Variants in RHBDF2 observed in about 807,000 individuals in gnomAD.
RHBDF2 encodes the protein rhomboid 5 homolog 2, also known as inactive rhomboid protein 2.
In RHBDF2, 38 loss-of-function variants were observed where a neutral mutation model predicts 95.2. The ratio of observed to expected loss-of-function variants is 0.40; its 90% confidence interval spans 0.31 to 0.52. The LOEUF is 0.52. Among genes scored for constraint, RHBDF2 ranks in the 20% least tolerant of loss-of-function variants. The pLI is 0.56. For synonymous variants in RHBDF2, 442 were observed against 462.0 expected (o/e 0.96, Z 0.55); for missense variants, 863 against 1,137.7 (o/e 0.76, Z 3.47).
At chr17:76,472,110 C>G in intron 18 of RHBDF2, 58 bp from the exon 19 acceptor site, 1 of 1,466,052 alleles carries the variant, frequency 6.8e-7, no homozygotes. Context: ...CTGGGCCGGG[C>G]CTGCACCCTG....
intron 3 of RHBDF2, among the ~76,000 whole-genome samples, chr17:76,480,550 C>T (rs1243610790): frequency 6.6e-6 from 1 of 151,856 alleles, no homozygotes; most frequent in Admixed American, 6.6e-5. Flanking sequence ...ACACCCAGCT[C>T]TTTTTTAATT....
intron 9 of RHBDF2, 152 bp downstream of exon 9, chr17:76,476,678 A>T: frequency 8.4e-7 from 1 of 1,183,836 alleles, no homozygotes; most frequent in Non-Finnish European, 1.1e-6. Flanking sequence ...AACCCTTGGG[A>T]CAGGGTGCGC....
intron 15 of RHBDF2, 33 bp from the exon 16 acceptor site, chr17:76,473,360 G>C (rs755873052): frequency 6.3e-7 from 1 of 1,579,502 alleles, no homozygotes; most frequent in Non-Finnish European, 8.6e-7. Flanking sequence ...GGGGACATCA[G>C]GGCGCCGAAT....
Position 76,477,299 on chromosome 17 carries a change from C to T in RHBDF2, c.802-1G>A. The stretch of plus-strand genomic sequence containing the variant: ...CATCAGGCATGGAGCTCATTTCTTC[C>T]TGGGGTGGGGGACAAGAAAATACAG... On this transcript the variant is annotated splice_acceptor_variant, in intron 7 of 18. Coordinates refer to ENST00000675367, the MANE Select transcript of RHBDF2 (RefSeq NM_001005498.4). LOFTEE classifies it high-confidence loss of function. 1 of 1,611,048 alleles carries T rather than the reference C, an allele frequency of 6.2e-7. No individual in the cohort carries two copies. The highest frequency in any genetic ancestry group is 8.5e-7 in the Non-Finnish European group (1 of 1,179,104).
In RHBDF2 at chr17:76,479,173, T is replaced by C; in HGVS notation, c.377A>G (p.Lys126Arg). 6.2e-7 allele frequency: 1 copy of C among 1,612,594 alleles called. No homozygotes were observed. Among genetic ancestry groups the C allele is most frequent in the Non-Finnish European group, 8.5e-7 (1 of 1,179,578 alleles). ...CTCCAGGTCACGCTGGCACGAGGCC[T>C]TCAGGCGGCCGTAGCGCATGCTGCA... ...HHCSMRYGRL[K>R]ASCQRDLELP... The change falls in exon 5 of 19, where the codon AAG becomes AGG. Residue 126 changes from lysine (K) to arginine (R), a missense_variant. This residue lies in a region of RHBDF2 where 611 missense variants were observed against 725.5 expected (regional missense o/e 0.84). Coordinates refer to ENST00000675367, the MANE Select transcript of RHBDF2 (RefSeq NM_001005498.4).
Position 76,474,463 on chromosome 17 carries a change from C to T in RHBDF2, c.1374G>A (p.Val458=), listed in dbSNP as rs745473658. Reference sequence around the variant, plus strand: ...CCCGCTCCAGGTCTCGCTCGCGCAGCACCAGCTGCTCGATCTGCCCGTCCT... The same window carrying T: ...CCCGCTCCAGGTCTCGCTCGCGCAGTACCAGCTGCTCGATCTGCCCGTCCT... ...IRKDGQIEQL[V]LRERDLERDS... Residue 458 remains valine, a synonymous_variant, in exon 12 of 19, where the codon GTG becomes GTA. Transcript: ENST00000675367. 7.4e-6 allele frequency: 12 copies of T among 1,614,046 alleles called. No homozygotes were observed. Among genetic ancestry groups the T allele is most frequent in the South Asian group, 2.2e-5 (2 of 91,090 alleles).
chr17:76,478,612 A>AC (rs2073846936), intron 6 of RHBDF2, among the ~76,000 whole-genome samples, 194 bp downstream of exon 6: 1 of 152,124 alleles, frequency 6.6e-6, no homozygotes, highest in Non-Finnish European at 1.5e-5. Context: ...GAGATTTAAG[A>AC]CAGAAGGATG....
intron 2 of RHBDF2, among the ~76,000 whole-genome samples, chr17:76,484,216 T>C (rs1301105777): frequency 2.0e-5 from 3 of 151,950 alleles, no homozygotes; most frequent in East Asian, 1.9e-4. Flanking sequence ...TGAGCCGAGA[T>C]TGCACCATTG....
chr17:76,476,731 A>G lies in RHBDF2; in HGVS notation c.1115+99T>C, dbSNP rs561109688. The stretch of plus-strand genomic sequence containing the variant: ...CACTCCTGATCCGCAGAAGATGCTC[A>G]TGAAACACTTGCTGAATGAGTAAGG... On this transcript the variant is annotated intron_variant, in intron 9 of 18. Transcript: ENST00000675367. 25 of 1,448,542 alleles carry G rather than the reference A, an allele frequency of 1.7e-5. No homozygotes were observed. The South Asian group carries it at 3.5e-4, about 20-fold the overall frequency. The allele number at this position is 1,448,542 out of a possible 1,614,324, so 89.7% of individuals were successfully genotyped here.
intron 9 of RHBDF2, among the ~76,000 whole-genome samples, chr17:76,475,639 G>A (rs2073749719): frequency 6.6e-6 from 1 of 151,390 alleles, no homozygotes; most frequent in African/African-American, 2.4e-5. Flanking sequence ...CTGGAATGCA[G>A]TTGTGCGATC....
chr17:76,474,502 T>G lies in RHBDF2; in HGVS notation c.1335A>C (p.Ser445=), dbSNP rs765168441. Residue 445 remains serine, a synonymous_variant, in exon 12 of 19, where the codon TCA becomes TCC. Coordinates refer to ENST00000675367, the MANE Select transcript of RHBDF2 (RefSeq NM_001005498.4). ...IDLIHLGAKF[S]PCIRKDGQIE... is the part of the protein sequence containing the mutation. ...TCTGCCCGTCCTTCCGGATGCAGGG[T>G]GAGAACTTGGCCCCCAGGTGGATCA... 2 of 1,613,898 alleles carry G rather than the reference T, an allele frequency of 1.2e-6. No homozygotes were observed. The highest frequency in any genetic ancestry group is 1.1e-5 in the South Asian group (1 of 91,066).
At chr17:76,481,707 C>A (rs984430426) in intron 2 of RHBDF2, 162 bp from the exon 3 acceptor site, 15 of 557,716 alleles carry the variant, frequency 2.7e-5, no homozygotes, top group African/African-American at 2.5e-4. Flanking sequence ...GTAATCCCAG[C>A]ACTTTGGGAG....
intron 15 of RHBDF2, 88 bp downstream of exon 15, chr17:76,473,560 T>G: frequency 8.7e-7 from 1 of 1,154,076 alleles, no homozygotes; most frequent in Non-Finnish European, 1.2e-6. Flanking sequence ...CGGCTGTGGG[T>G]GGTGACGGTG....
At chr17:76,476,711 C>G in intron 9 of RHBDF2, 119 bp downstream of exon 9, 1 of 1,416,366 alleles carries the variant, frequency 7.1e-7, no homozygotes, top group Non-Finnish European at 9.3e-7. Context: ...CACTACACTC[C>G]TGATCCGCAG....
At chr17:76,491,519 C>T (rs1207352911) in intron 1 of RHBDF2, among the ~76,000 whole-genome samples, 1 of 152,232 alleles carries the variant, frequency 6.6e-6, no homozygotes, top group African/African-American at 2.4e-5. Context: ...GGGCAGGAGC[C>T]TGGCATCGGG....
rs574024952 is a variant in RHBDF2, at chr17:76,489,018, C to T, written c.-219-1109G>A. Among the ~76,000 whole-genome samples the T allele has an allele frequency of 1.4e-4, 22 of 151,876 alleles. No individual in the cohort carries two copies. In the South Asian group the frequency reaches 2.9e-3, roughly 20 times the overall value. ...TGGTGGGCCTGTAATCCCAGCTACT[C>T]GGGAGGCTGAGGCAGGAGAGTTACT... On this transcript the variant is annotated intron_variant, in intron 1 of 18. Coordinates refer to ENST00000675367, the MANE Select transcript of RHBDF2 (RefSeq NM_001005498.4).
chr17:76,491,006 G>A (rs1399625109), intron 1 of RHBDF2, among the ~76,000 whole-genome samples: 1 of 152,172 alleles, frequency 6.6e-6, no homozygotes, highest in Non-Finnish European at 1.5e-5. Context: ...GTGAGAGGGT[G>A]GGGCTGGCGG....
intron 1 of RHBDF2, among the ~76,000 whole-genome samples, chr17:76,492,884 GAAGT>G (rs914968696): frequency 1.3e-5 from 2 of 152,276 alleles, no homozygotes; most frequent in East Asian, 1.9e-4. Context: ...CCTTGGATAA[GAAGT>G]AAGCAGCCCC....
Position 76,472,664 on chromosome 17 carries a change from G to T in RHBDF2, c.2064+22C>A, listed in dbSNP as rs1191557126. 2.5e-6 allele frequency: 4 copies of T among 1,613,744 alleles called. No individual in the cohort carries two copies. The South Asian group carries it at 4.4e-5, about 18-fold the overall frequency. On this transcript the variant is annotated intron_variant, in intron 18 of 18. Coordinates refer to ENST00000675367, the MANE Select transcript of RHBDF2 (RefSeq NM_001005498.4). The stretch of plus-strand genomic sequence containing the variant: ...GGCTGGCCCCCTATGTGCGGAAGGG[G>T]TCCCATCCTCCACATCCTTACCTCT...
Sources: allele counts gnomAD v4.1 joint callset (sites outside exome capture counted in the v4.1 genomes callset), GRCh38; gene constraint gnomAD v4.1.1; regional missense constraint gnomAD v4.1.1; transcripts MANE v1.5; gene names NCBI Gene and HGNC (gene_info 2026-07-23, HGNC 2026-07-21).